DACH2: variants seen among roughly 807,000 people sequenced by gnomAD.
DACH2 encodes the protein dachshund homolog 2.
DACH2 carries 17 observed loss-of-function variants against 35.8 expected under a neutral mutation model. The ratio of observed to expected loss-of-function variants is 0.48; its 90% CI spans 0.33 to 0.71. DACH2 has a LOEUF of 0.71. Ranked by LOEUF, DACH2 falls within the 30% of genes least tolerant of loss-of-function variation. The probability of loss-of-function intolerance (pLI) is 0.02; values close to 1 mark genes in which losing one functional copy is unlikely to be tolerated. For missense variants in DACH2, 469 were observed against 472.7 expected, an observed-to-expected ratio of 0.99 and a Z score of 0.07; for synonymous variants, 195 against 177.3, an observed-to-expected ratio of 1.10 and a Z score of -0.79.
rs939732846 is a variant in DACH2 at position 86,344,757 on chromosome X, A to G, written c.489-32067A>G. On this transcript the variant is annotated intron_variant, in intron 1 of 11. Coordinates refer to ENST00000373125, the MANE Select transcript of DACH2 (RefSeq NM_053281.3). ...TGGTGACTTATTTGAATACTTCTGC[A>G]AGATCTTCAGGGTTCTGACAGTCTC... is the stretch of plus-strand genomic sequence containing the variant. Among the ~76,000 whole-genome samples, 3 of 111,426 alleles carry G rather than the reference A, an allele frequency of 2.7e-5. No individual in the cohort carries two copies. The East Asian group carries it at 8.5e-4, about 32-fold the overall frequency.
chrX:86,659,355 T>C (rs1464168002), intron 4 of DACH2, among the ~76,000 whole-genome samples: 1 of 111,337 alleles, frequency 9.0e-6, no homozygotes, highest in Non-Finnish European at 1.9e-5. Flanking sequence ...ATTATGTCTA[T>C]TCCTAATACC....
Position 86,647,116 on chromosome X carries a change from G to A in DACH2, c.641-3920G>A, listed in dbSNP as rs765245895. ...GTTTAGCCAGTATGGAAAACAGTAT[G>A]TTGGTTTCTCAAAAAATTAAAAATA... On this transcript the variant is annotated intron_variant, in intron 3 of 11. Coordinates refer to ENST00000373125, the MANE Select transcript of DACH2 (RefSeq NM_053281.3). 1.9e-3 allele frequency among the ~76,000 whole-genome samples: 205 copies of A among 110,160 alleles called. 1 individual carries two copies. Among genetic ancestry groups the A allele is most frequent in the African/African-American group, 6.5e-3 (197 of 30,505 alleles).
At chrX:86,196,507 A>C (rs2031987039) in intron 1 of DACH2, among the ~76,000 whole-genome samples, 1 of 108,426 alleles carries the variant, frequency 9.2e-6, no homozygotes, top group Non-Finnish European at 1.9e-5. Flanking sequence ...CCTGGCTAAC[A>C]CAGTGAAACC....
intron 2 of DACH2, among the ~76,000 whole-genome samples, chrX:86,391,580 C>T (rs1029543469): frequency 5.4e-5 from 6 of 111,090 alleles, no homozygotes; most frequent in Non-Finnish European, 5.7e-5. Flanking sequence ...TTTTTCTAAA[C>T]ACTTATTTCT....
intron 1 of DACH2, among the ~76,000 whole-genome samples, chrX:86,348,043 G>A (rs954327221): frequency 9.0e-6 from 1 of 111,448 alleles, no homozygotes; most frequent in African/African-American, 3.3e-5. Context: ...CATATCAGCC[G>A]GATGCACTCA....
At chrX:86,719,229 G>A (rs1044131343) in intron 6 of DACH2, among the ~76,000 whole-genome samples, 1 of 111,874 alleles carries the variant, frequency 8.9e-6, no homozygotes, top group African/African-American at 3.2e-5. Context: ...TTCACTAGCT[G>A]TTGTAAATGG....
intron 1 of DACH2, among the ~76,000 whole-genome samples, chrX:86,152,623 G>T (rs1272791915): frequency 9.0e-6 from 1 of 111,618 alleles, no homozygotes; most frequent in East Asian, 2.8e-4. Context: ...ACCATTCATT[G>T]TTCTGTTCGA....
chrX:86,282,871 G>A lies in DACH2; in HGVS notation c.489-93953G>A, dbSNP rs1192428219. 7.4e-4 allele frequency among the ~76,000 whole-genome samples: 24 copies of A among 32,485 alleles called. 4 individuals are homozygous for A. The highest frequency in any genetic ancestry group is 9.7e-4 in the Non-Finnish European group (22 of 22,578). 28.2% of individuals were successfully genotyped at this position (32,485 alleles called of 115,157 possible). ...CGGCTCACTGCAAGCTCCGCCTCCCGGGTTCACGCCATTCTCCTGCCTCAG... is the reference window on the plus strand; with the variant it reads ...CGGCTCACTGCAAGCTCCGCCTCCCAGGTTCACGCCATTCTCCTGCCTCAG... On this transcript the variant is annotated intron_variant, in intron 1 of 11. Transcript: ENST00000373125.
At chrX:86,592,230 T>C (rs953717094) in intron 3 of DACH2, among the ~76,000 whole-genome samples, 1 of 111,825 alleles carries the variant, frequency 8.9e-6, no homozygotes, top group African/African-American at 3.2e-5. Flanking sequence ...TCTAGATTCA[T>C]TTTTCTTTTT....
chrX:86,408,299 T>C (rs1020188219), intron 2 of DACH2, among the ~76,000 whole-genome samples: 17 of 111,719 alleles, frequency 1.5e-4, no homozygotes, highest in African/African-American at 4.9e-4. Context: ...AAGATGCATG[T>C]GCCTTTATCT....
chrX:86,661,117 T>C (rs767222035), intron 4 of DACH2, among the ~76,000 whole-genome samples: 1 of 111,935 alleles, frequency 8.9e-6, no homozygotes, highest in African/African-American at 3.2e-5. Context: ...CGTTCTGTAG[T>C]GTCCAAAGTG....
intron 1 of DACH2, among the ~76,000 whole-genome samples, chrX:86,366,867 T>TG (rs1323294374): frequency 1.2e-4 from 13 of 110,958 alleles, no homozygotes; most frequent in African/African-American, 4.3e-4. Flanking sequence ...TATAAGCTTC[T>TG]GGAGGCCTCA....
chrX:86,426,415 A>G (rs1456995199), intron 2 of DACH2, among the ~76,000 whole-genome samples: 3 of 111,177 alleles, frequency 2.7e-5, no homozygotes, highest in African/African-American at 9.8e-5. Context: ...CTATGATGTT[A>G]CTCTAAAAAC....
chrX:86,717,123 T>C (rs1352278172), intron 6 of DACH2, among the ~76,000 whole-genome samples: 6 of 112,029 alleles, frequency 5.4e-5, no homozygotes, highest in Non-Finnish European at 1.1e-4. Context: ...ATCAGAAATA[T>C]ATTTTGTCAT....
chrX:86,181,906 G>A (rs1489213409), intron 1 of DACH2, among the ~76,000 whole-genome samples: 1 of 111,807 alleles, frequency 8.9e-6, no homozygotes, highest in Non-Finnish European at 1.9e-5. Context: ...ATCTCATTGT[G>A]GTTTTGATTT....
intron 3 of DACH2, among the ~76,000 whole-genome samples, chrX:86,641,545 A>G (rs2040347058): frequency 8.9e-6 from 1 of 112,347 alleles, no homozygotes; most frequent in African/African-American, 3.2e-5. Flanking sequence ...AAGATTGTTC[A>G]TGAAAACTTC....
chrX:86,792,003 A>G (rs186836977), intron 7 of DACH2, among the ~76,000 whole-genome samples: 245 of 111,806 alleles, frequency 2.2e-3, no homozygotes, highest in African/African-American at 7.2e-3. Context: ...TGTGGTCAGA[A>G]AATTTACACT....
In DACH2 at chrX:86,519,207, T is replaced by C. The variant is rs183076941; in HGVS notation, c.640+4816T>C. Among the ~76,000 whole-genome samples, 527 of 112,492 alleles carry C rather than the reference T, an allele frequency of 4.7e-3. 3 individuals are homozygous for C. Among genetic ancestry groups the C allele is most frequent in the African/African-American group, 0.016 (508 of 30,962 alleles). On this transcript the variant is annotated intron_variant, in intron 3 of 11. Transcript: ENST00000373125. ...ATGTCATTAATCACATCTATTGATTTCAATATGTTGAACCAACCTTACATC... is the reference window on the plus strand; with the variant it reads ...ATGTCATTAATCACATCTATTGATTCCAATATGTTGAACCAACCTTACATC...
At chrX:86,596,852 G>C (rs1256187835) in intron 3 of DACH2, among the ~76,000 whole-genome samples, 8 of 111,383 alleles carry the variant, frequency 7.2e-5, no homozygotes, top group African/African-American at 2.6e-4. Flanking sequence ...TATAGCTTTA[G>C]CTGTGGTTAT....
Sources: allele counts gnomAD v4.1 joint callset (sites outside exome capture counted in the v4.1 genomes callset), GRCh38; gene constraint gnomAD v4.1.1; transcripts MANE v1.5; gene names NCBI Gene and HGNC (gene_info 2026-07-23, HGNC 2026-07-21).